Variants in CDK14 observed in about 807,000 individuals in gnomAD.
CDK14 encodes cyclin dependent kinase 14, also known as cyclin-dependent kinase 14.
In CDK14, 34 loss-of-function variants were observed where a neutral mutation model predicts 60.7. The observed-to-expected ratio is 0.56, with a 90% confidence interval of 0.43 to 0.75. The LOEUF (loss-of-function observed/expected upper bound fraction) is 0.75. Ranked by LOEUF, CDK14 falls within the 30% of genes least tolerant of loss-of-function variation. The pLI, the probability that CDK14 is intolerant of heterozygous loss-of-function variation, is 0.00. For synonymous variants in CDK14, 197 were observed against 203.7 expected (o/e 0.97, Z 0.28); for missense variants, 482 against 564.1 (o/e 0.85, Z 1.47).
intron 4 of CDK14, among the ~76,000 whole-genome samples, chr7:90,770,471 T>G (rs969660649): frequency 1.5e-4 from 23 of 152,232 alleles, no homozygotes; most frequent in African/African-American, 5.5e-4. Context: ...CATTGTTGAT[T>G]GTTAGCTTTT....
At chr7:90,958,140 C>T (rs1192927902) in intron 9 of CDK14, among the ~76,000 whole-genome samples, 4 of 152,122 alleles carry the variant, frequency 2.6e-5, no homozygotes, top group East Asian at 1.9e-4. Context: ...GGCCTGGCTT[C>T]TTTCCTGATG....
At chr7:90,935,647 GT>G (rs774899076) in intron 8 of CDK14, among the ~76,000 whole-genome samples, 1 of 151,308 alleles carries the variant, frequency 6.6e-6, no homozygotes, top group Admixed American at 6.6e-5. Context: ...CATGCATTCT[GT>G]TTTTTTTCAC....
intron 10 of CDK14, among the ~76,000 whole-genome samples, chr7:90,992,648 A>T (rs963883080): frequency 1.3e-5 from 2 of 152,196 alleles, no homozygotes; most frequent in Non-Finnish European, 2.9e-5. Flanking sequence ...AAGGGCACCA[A>T]ACTCACAAAT....
chr7:91,037,058 G>C (rs1796953471), intron 10 of CDK14, among the ~76,000 whole-genome samples: 2 of 152,188 alleles, frequency 1.3e-5, no homozygotes, highest in Non-Finnish European at 2.9e-5. Flanking sequence ...TTTTTATTCA[G>C]CTAAAAACCA....
intron 6 of CDK14, among the ~76,000 whole-genome samples, chr7:90,879,709 A>G (rs1791679045): frequency 1.3e-5 from 2 of 152,236 alleles, no homozygotes; most frequent in East Asian, 1.9e-4. Flanking sequence ...AAACCTGCAC[A>G]TTGTGCACAT....
At chr7:90,870,141 T>TA (rs1488705501) in intron 6 of CDK14, among the ~76,000 whole-genome samples, 1 of 152,208 alleles carries the variant, frequency 6.6e-6, no homozygotes, top group Non-Finnish European at 1.5e-5. Context: ...GTGATACATA[T>TA]ACACTGTGGA....
chr7:90,673,189 C>T (rs1405766251), intron 2 of CDK14, among the ~76,000 whole-genome samples: 2 of 152,182 alleles, frequency 1.3e-5, no homozygotes, highest in African/African-American at 4.8e-5. Context: ...GATAGGACTT[C>T]TCCCATCAAG....
intron 3 of CDK14, among the ~76,000 whole-genome samples, chr7:90,729,343 G>GTTTTT (rs1563059931): frequency 3.4e-5 from 1 of 29,026 alleles, no homozygotes; most frequent in Non-Finnish European, 6.0e-5. Flanking sequence ...TAGGTATCAA[G>GTTTTT]GTTTTTTTTT....
At chr7:91,189,152 ACTT>A (rs1383798488) in intron 14 of CDK14, among the ~76,000 whole-genome samples, 2 of 152,170 alleles carry the variant, frequency 1.3e-5, no homozygotes, top group Non-Finnish European at 1.5e-5. Flanking sequence ...AGCTTATTTT[ACTT>A]CTTCTTTCCT....
At chr7:91,156,420 T>C (rs1339032378) in intron 14 of CDK14, among the ~76,000 whole-genome samples, 1 of 152,212 alleles carries the variant, frequency 6.6e-6, no homozygotes, top group Non-Finnish European at 1.5e-5. Flanking sequence ...TTAGAACGGC[T>C]GTTTGACAAC....
intron 3 of CDK14, among the ~76,000 whole-genome samples, chr7:90,736,551 A>G (rs1020660664): frequency 1.3e-5 from 2 of 151,916 alleles, no homozygotes; most frequent in East Asian, 1.9e-4. Context: ...ATTTTTAACA[A>G]TGCTTAGAGG....
At chr7:91,030,147 C>T (rs1209070179) in intron 10 of CDK14, among the ~76,000 whole-genome samples, 1 of 152,106 alleles carries the variant, frequency 6.6e-6, no homozygotes, top group African/African-American at 2.4e-5. Context: ...TTGTATATAT[C>T]TAAATGCTAT....
At chr7:90,609,752 A>C (rs1293902486) in intron 2 of CDK14, among the ~76,000 whole-genome samples, 3 of 152,192 alleles carry the variant, frequency 2.0e-5, no homozygotes, top group Non-Finnish European at 2.9e-5. Flanking sequence ...AAATGGACTA[A>C]TACAAGTGGT....
At chr7:90,692,404 G>GT (rs1339666551) in intron 2 of CDK14, among the ~76,000 whole-genome samples, 1 of 152,056 alleles carries the variant, frequency 6.6e-6, no homozygotes, top group Non-Finnish European at 1.5e-5. Flanking sequence ...TTGAAATTCT[G>GT]TTTTTGTGTT....
At chr7:90,908,406 C>T (rs983240898) in intron 7 of CDK14, among the ~76,000 whole-genome samples, 1 of 152,094 alleles carries the variant, frequency 6.6e-6, no homozygotes, top group Non-Finnish European at 1.5e-5. Context: ...CCTAGAGATC[C>T]GTTAAAACCC....
intron 9 of CDK14, among the ~76,000 whole-genome samples, chr7:90,963,907 G>A (rs1309634897): frequency 1.3e-5 from 2 of 151,658 alleles, no homozygotes; most frequent in African/African-American, 4.8e-5. Context: ...GTAGAGATGG[G>A]GTTTCACCAT....
At chr7:90,608,477 G>A in intron 2 of CDK14, 1 of 738,934 alleles carries the variant, frequency 1.4e-6, no homozygotes, top group South Asian at 6.1e-5. Context: ...TGTTCTCATG[G>A]GTAAATTAAA....
chr7:91,060,981 A>G (rs1170679407), intron 11 of CDK14, among the ~76,000 whole-genome samples: 1 of 152,214 alleles, frequency 6.6e-6, no homozygotes, highest in Non-Finnish European at 1.5e-5. Flanking sequence ...CCTGGATAAT[A>G]TCCTGAGGAG....
At chr7:90,660,952 A>G (rs1283695443) in intron 2 of CDK14, among the ~76,000 whole-genome samples, 1 of 152,166 alleles carries the variant, frequency 6.6e-6, no homozygotes, top group Non-Finnish European at 1.5e-5. Flanking sequence ...TTGTGGCCCA[A>G]CTGCAAAGCA....
Sources: allele counts gnomAD v4.1 joint callset (sites outside exome capture counted in the v4.1 genomes callset), GRCh38; gene constraint gnomAD v4.1.1; transcripts MANE v1.5; gene names NCBI Gene and HGNC (gene_info 2026-07-23, HGNC 2026-07-21).